Variants in ATG16L1 observed in about 807,000 individuals in gnomAD.
ATG16L1 encodes the protein autophagy related 16 like 1, also known as autophagy-related protein 16-1.
In ATG16L1, 37 loss-of-function variants were observed where a neutral mutation model predicts 88.5. The observed-to-expected ratio is 0.42, with a 90% CI of 0.32 to 0.55. The LOEUF (loss-of-function observed/expected upper bound fraction) is 0.55. ATG16L1 is among the 20% of genes least tolerant of loss of function. The pLI is 0.13. For missense variants in ATG16L1, 554 were observed against 752.8 expected (o/e 0.74, Z 3.09); for synonymous variants, 301 against 281.0 (o/e 1.07, Z -0.71).
At chr2:233,271,409 G>C (rs2125243314) in intron 6 of ATG16L1, among the ~76,000 whole-genome samples, 1 of 152,350 alleles carries the variant, frequency 6.6e-6, no homozygotes, top group Middle Eastern at 3.4e-3. Context: ...CTCCCAAGTA[G>C]CTGGGATTAC....
intron 3 of ATG16L1, among the ~76,000 whole-genome samples, chr2:233,263,757 A>G (rs1266367263): frequency 6.6e-6 from 1 of 152,176 alleles, no homozygotes; most frequent in African/African-American, 2.4e-5. Context: ...AGGAGTAGAC[A>G]GCTGTCCTCA....
Position 233,294,637 on chromosome 2 carries a change from A to C in ATG16L1, c.*287A>C. 1 of 252,440 alleles carries C rather than the reference A, an allele frequency of 4.0e-6. No individual in the cohort carries two copies. Among genetic ancestry groups the C allele is most frequent in the Non-Finnish European group, 7.6e-6 (1 of 131,070 alleles). The allele number at this position is 252,440 out of a possible 1,614,324, so 15.6% of individuals were successfully genotyped here. A position where few individuals can be genotyped will look rare whatever the true frequency, so the allele number is the denominator to read the frequency against. On this transcript the variant is annotated 3_prime_UTR_variant, in exon 18 of 18. Coordinates refer to ENST00000392017, the MANE Select transcript of ATG16L1 (RefSeq NM_030803.7). ...TACTAGCTCTGACCTTCCATACCTC[A>C]CTTGGGGGAGCACAGGGCCCCGCTG...
At chr2:233,275,789 A>T (rs1176638913) in intron 9 of ATG16L1, 3 of 519,240 alleles carry the variant, frequency 5.8e-6, no homozygotes, top group Non-Finnish European at 1.2e-5. Context: ...TGTTGCCCTC[A>T]ACTCCCAGCA....
At chr2:233,292,577 G>A in intron 16 of ATG16L1, 143 bp downstream of exon 16, 1 of 986,040 alleles carries the variant, frequency 1.0e-6, no homozygotes, top group Non-Finnish European at 1.5e-6. Flanking sequence ...CATAATTGCA[G>A]GCCACCATTA....
chr2:233,284,090 C>T (rs1157481073), intron 12 of ATG16L1, among the ~76,000 whole-genome samples: 1 of 151,522 alleles, frequency 6.6e-6, no homozygotes, highest in Non-Finnish European at 1.5e-5. Flanking sequence ...ATGATCCACC[C>T]ACCTCGGCCT....
rs777423380 is a variant in ATG16L1 at position 233,293,271 on chromosome 2, C to T, written c.1644C>T (p.Tyr548=). Reference sequence around the variant, plus strand: ...TCTTCTGTAGCCCTGATGGCAGTTACGTGGCGGCAGGCTCTGCTGAGGGCT... The same window carrying T: ...TCTTCTGTAGCCCTGATGGCAGTTATGTGGCGGCAGGCTCTGCTGAGGGCT... ...TRVVFSPDGS[Y]VAAGSAEGSL... The change falls in exon 17 of 18, where the codon TAC becomes TAT. Residue 548 remains tyrosine, a synonymous_variant. Coordinates refer to ENST00000392017, the MANE Select transcript of ATG16L1 (RefSeq NM_030803.7). The T allele has an allele frequency of 2.1e-5, 34 of 1,614,018 alleles. No homozygotes were observed. Among genetic ancestry groups the T allele is most frequent in the Non-Finnish European group, 2.6e-5 (31 of 1,179,998 alleles).
At chr2:233,275,731 G>A (rs752088136) in intron 9 of ATG16L1, 7 of 518,928 alleles carry the variant, frequency 1.3e-5, no homozygotes, top group East Asian at 1.1e-4. Context: ...TGCAGAGGTC[G>A]ATGATGATTG....
intron 12 of ATG16L1, among the ~76,000 whole-genome samples, chr2:233,285,520 C>T (rs902822425): frequency 6.6e-6 from 1 of 152,210 alleles, no homozygotes; most frequent in Non-Finnish European, 1.5e-5. Context: ...GCTGCTGCTT[C>T]TGATGATGCC....
rs767052266 is a variant in ATG16L1 at position 233,295,600 on chromosome 2, A to G, written c.*1250A>G. 1.8e-4 allele frequency: 27 copies of G among 152,668 alleles called. No individual in the cohort carries two copies. The highest frequency in any genetic ancestry group is 2.6e-4 in the Admixed American group (4 of 15,264). The allele number at this position is 152,668 out of a possible 1,614,324, so 9.5% of individuals were successfully genotyped here. The stretch of plus-strand genomic sequence containing the variant: ...ACAGGCCAGGGCACATCTTTTATTT[A>G]TTTCATTATGTTGGCCAACAGAACT... On this transcript the variant is annotated 3_prime_UTR_variant, in exon 18 of 18. Transcript: ENST00000392017.
intron 12 of ATG16L1, among the ~76,000 whole-genome samples, chr2:233,284,382 A>T (rs1156418218): frequency 6.6e-6 from 1 of 152,014 alleles, no homozygotes; most frequent in African/African-American, 2.4e-5. Context: ...CCCAGGCTAG[A>T]GTGCAGTGGC....
intron 2 of ATG16L1, among the ~76,000 whole-genome samples, chr2:233,261,481 A>G (rs146146107): frequency 6.6e-6 from 1 of 152,190 alleles, no homozygotes; most frequent in Non-Finnish European, 1.5e-5. Flanking sequence ...TCTTGGCATT[A>G]CTTCTTGGGT....
intron 2 of ATG16L1, among the ~76,000 whole-genome samples, chr2:233,257,635 ATC>A (rs1696886310): frequency 6.6e-6 from 1 of 152,248 alleles, no homozygotes. Flanking sequence ...GTAGAGGAAC[ATC>A]AGTATTAGTA....
chr2:233,259,040 C>T (rs375913978), intron 2 of ATG16L1, among the ~76,000 whole-genome samples: 1 of 152,056 alleles, frequency 6.6e-6, no homozygotes, highest in South Asian at 2.1e-4. Flanking sequence ...AAACCAGGTT[C>T]ATTCAGCCCA....
At chr2:233,286,537 A>G (rs555952829) in intron 12 of ATG16L1, among the ~76,000 whole-genome samples, 64 of 151,578 alleles carry the variant, frequency 4.2e-4, no homozygotes, top group Non-Finnish European at 7.8e-4. Flanking sequence ...CCAGCTCTAT[A>G]CCATTGGAAG....
intron 2 of ATG16L1, among the ~76,000 whole-genome samples, chr2:233,258,159 CTTA>C (rs1015623999): frequency 1.3e-5 from 2 of 151,846 alleles, no homozygotes; most frequent in Non-Finnish European, 2.9e-5. Flanking sequence ...TATTTGAAGT[CTTA>C]TTATCCTCTT....
chr2:233,274,647 C>G (rs762855374), intron 8 of ATG16L1, 29 bp from the exon 9 acceptor site: 4 of 1,551,152 alleles, frequency 2.6e-6, no homozygotes, highest in South Asian at 1.1e-5. Context: ...GCAATCCTGT[C>G]TAATATTTGT....
chr2:233,260,674 A>T (rs1267146515), intron 2 of ATG16L1, among the ~76,000 whole-genome samples: 4 of 152,202 alleles, frequency 2.6e-5, no homozygotes, highest in African/African-American at 9.7e-5. Context: ...GCTTTGGGTC[A>T]TGGAAAGAGC....
intron 12 of ATG16L1, among the ~76,000 whole-genome samples, chr2:233,287,005 A>G (rs1699133423): frequency 6.6e-6 from 1 of 152,130 alleles, no homozygotes; most frequent in African/African-American, 2.4e-5. Flanking sequence ...TTATTCCATT[A>G]GTTCAGCAGT....
In ATG16L1 at chr2:233,277,663, A is replaced by T. The variant is rs543778947; in HGVS notation, c.1050A>T (p.Glu350Asp). The change falls in exon 10 of 18, where the codon GAA becomes GAT. Residue 350 changes from glutamate to aspartate, a missense_variant. Glu to Asp is a conservative substitution (Grantham distance 45). Coordinates refer to ENST00000392017, the MANE Select transcript of ATG16L1 (RefSeq NM_030803.7). ...GGMDRRVKLW[E>D]VFGEKCEFKG... is the part of the protein sequence containing the mutation. ...TGGACCGCAGGGTTAAGCTTTGGGA[A>T]GTATTTGGAGGTGAGAGCCTGCTGC... is the stretch of plus-strand genomic sequence containing the variant. The T allele has an allele frequency of 6.2e-6, 10 of 1,613,828 alleles. No individual in the cohort carries two copies. The African/African-American group carries it at 1.3e-4, about 22-fold the overall frequency.
Sources: allele counts gnomAD v4.1 joint callset (sites outside exome capture counted in the v4.1 genomes callset), GRCh38; gene constraint gnomAD v4.1.1; transcripts MANE v1.5; gene names NCBI Gene and HGNC (gene_info 2026-07-23, HGNC 2026-07-21).